INTS4: variants seen among roughly 807,000 people sequenced by gnomAD.
INTS4 encodes integrator complex subunit 4.
INTS4 carries 70 observed loss-of-function variants against 119.5 expected under a neutral mutation model. That is an observed-to-expected ratio of 0.59 (90% CI 0.48 to 0.71). INTS4 has a LOEUF of 0.71. Ranked by LOEUF, INTS4 falls within the 30% of genes least tolerant of loss-of-function variation. INTS4 has a pLI of 0.00. For missense variants in INTS4, 867 were observed against 1,173.2 expected (o/e 0.74, Z 3.81); for synonymous variants, 316 against 419.6 (o/e 0.75, Z 3.02).
intron 4 of INTS4, among the ~76,000 whole-genome samples, chr11:77,969,174 A>C (rs1855611977): frequency 1.3e-5 from 2 of 152,130 alleles, no homozygotes; most frequent in South Asian, 4.1e-4. Context: ...GCCTCAAGTG[A>C]TCTGCCTGCT....
At chr11:77,897,061 G>A (rs1181131652) in intron 18 of INTS4, among the ~76,000 whole-genome samples, 6 of 152,004 alleles carry the variant, frequency 3.9e-5, no homozygotes, top group Non-Finnish European at 7.3e-5. Flanking sequence ...ACCTATTCTG[G>A]TGTGGCGGGG....
intron 14 of INTS4, 107 bp from the exon 15 acceptor site, chr11:77,919,085 AG>A (rs1035621101): frequency 1.8e-6 from 2 of 1,107,494 alleles, no homozygotes; most frequent in Admixed American, 2.0e-5. Context: ...AACAAAACAA[AG>A]GGGAAAAAAG....
downstream of INTS4, among the ~76,000 whole-genome samples, chr11:77,878,420 C>T (rs1951667552): frequency 6.6e-6 from 1 of 152,010 alleles, no homozygotes; most frequent in African/African-American, 2.4e-5. Flanking sequence ...GCTATTCAGT[C>T]CTTGGCCCAG....
intron 2 of INTS4, chr11:77,987,750 T>C (rs1385885563): frequency 4.8e-6 from 2 of 413,342 alleles, no homozygotes; most frequent in Non-Finnish European, 4.9e-6. Context: ...GGCATGTGCC[T>C]GTGGTCCCAG....
chr11:77,937,637 G>A (rs1342241962), intron 10 of INTS4, among the ~76,000 whole-genome samples: 3 of 151,990 alleles, frequency 2.0e-5, no homozygotes, highest in Non-Finnish European at 4.4e-5. Context: ...CCAGCTACTC[G>A]AGAGGCTGAG....
At chr11:77,919,957 C>T (rs1018527675) in intron 14 of INTS4, among the ~76,000 whole-genome samples, 3 of 151,858 alleles carry the variant, frequency 2.0e-5, no homozygotes, top group Non-Finnish European at 4.4e-5. Flanking sequence ...TACAGGTGCC[C>T]ACCACCATGC....
intron 8 of INTS4, 32 bp downstream of exon 8, chr11:77,955,910 G>GCATA (rs1565270508): frequency 3.2e-6 from 5 of 1,557,748 alleles, no homozygotes; most frequent in Middle Eastern, 4.5e-4. Flanking sequence ...ATATATACAT[G>GCATA]CATACATACA....
At chr11:77,875,136 A>G (rs1357489489), downstream of INTS4, among the ~76,000 whole-genome samples, 3 of 152,172 alleles carry the variant, frequency 2.0e-5, no homozygotes, top group African/African-American at 4.8e-5. Flanking sequence ...CTCAAAGCAA[A>G]TATAAAGTCC....
At chr11:77,967,475 T>C (rs1209619513) in intron 4 of INTS4, among the ~76,000 whole-genome samples, 1 of 152,220 alleles carries the variant, frequency 6.6e-6, no homozygotes, top group Admixed American at 6.5e-5. Flanking sequence ...GCCTGTGGCA[T>C]TTTGTTATGG....
intron 15 of INTS4, among the ~76,000 whole-genome samples, chr11:77,915,497 C>T (rs1227065536): frequency 6.6e-6 from 1 of 152,162 alleles, no homozygotes; most frequent in Admixed American, 6.5e-5. Context: ...CAGCTGCACC[C>T]ACCTACCCAG....
At position 77,891,477 on chromosome 11, in the gene INTS4, A is replaced by T; in HGVS notation, c.2449-15T>A. 3 of 1,613,336 alleles carry T rather than the reference A, an allele frequency of 1.9e-6. No homozygotes were observed. Among genetic ancestry groups the T allele is most frequent in the Non-Finnish European group, 2.5e-6 (3 of 1,179,538 alleles). On this transcript the variant is annotated splice_polypyrimidine_tract_variant and intron_variant, in intron 20 of 22. Coordinates refer to ENST00000534064, the MANE Select transcript of INTS4 (RefSeq NM_033547.4). The stretch of plus-strand genomic sequence containing the variant: ...GCTTTGTGGATCTGTAAGCAAGAGG[A>T]AAATCCTATGATTTTAAAGCCAGGT...
rs1224387627 is a variant in INTS4, at chr11:77,983,670, A to G, written c.247-2094T>C. ...TCGTTAAGATGGCTACTATCAAAAA[A>G]CAGAAAACAAGTGTTGGCGAGGATG... On this transcript the variant is annotated intron_variant, in intron 2 of 22. Coordinates refer to ENST00000534064, the MANE Select transcript of INTS4 (RefSeq NM_033547.4). Among the ~76,000 whole-genome samples, 3 of 152,298 alleles carry G rather than the reference A, an allele frequency of 2.0e-5. No homozygotes were observed. The East Asian group carries it at 5.8e-4, about 29-fold the overall frequency.
intron 11 of INTS4, among the ~76,000 whole-genome samples, chr11:77,925,539 T>C (rs1255694754): frequency 1.3e-5 from 2 of 152,192 alleles, no homozygotes; most frequent in African/African-American, 2.4e-5. Flanking sequence ...ATGTGTTAAA[T>C]GGAGGAGTGA....
At chr11:77,961,362 T>C (rs536985827) in intron 4 of INTS4, among the ~76,000 whole-genome samples, 1 of 152,222 alleles carries the variant, frequency 6.6e-6, no homozygotes, top group East Asian at 1.9e-4. Context: ...TAGTTTTTCA[T>C]CTTTGTATTC....
intron 8 of INTS4, among the ~76,000 whole-genome samples, chr11:77,954,222 G>T (rs1189799409): frequency 6.6e-6 from 1 of 152,094 alleles, no homozygotes. Context: ...GTATAAGCTG[G>T]ATAACTTACT....
At chr11:77,899,089 T>G (rs1018808675) in intron 18 of INTS4, among the ~76,000 whole-genome samples, 1 of 152,042 alleles carries the variant, frequency 6.6e-6, no homozygotes, top group Non-Finnish European at 1.5e-5. Flanking sequence ...AATAACCCTG[T>G]GAGGAAGAGA....
At position 77,879,006 on chromosome 11, in the gene INTS4, G is replaced by A; in HGVS notation, c.2835C>T (p.Thr945=). ...CTTTTACAGGCTTGCTGAAGGGAATGGTGCCCTCGATGCTGGTTTCCACCT... is the reference window on the plus strand; with the variant it reads ...CTTTTACAGGCTTGCTGAAGGGAATAGTGCCCTCGATGCTGGTTTCCACCT... ...SPQVETSIEG[T]IPFSKPVKVY... is the part of the protein sequence containing the mutation. Residue 945 remains threonine (T), a synonymous_variant, in exon 23 of 23, where the codon ACC becomes ACT. Coordinates refer to ENST00000534064, the MANE Select transcript of INTS4 (RefSeq NM_033547.4). The A allele has an allele frequency of 6.2e-7, 1 of 1,614,110 alleles. No individual in the cohort carries two copies. The highest frequency in any genetic ancestry group is 8.5e-7 in the Non-Finnish European group (1 of 1,180,012).
chr11:77,908,836 C>T (rs1953024076), intron 15 of INTS4, among the ~76,000 whole-genome samples: 3 of 131,068 alleles, frequency 2.3e-5, no homozygotes, highest in African/African-American at 5.9e-5. Context: ...CAGAAAAAAA[C>T]ATTATTTTTT....
chr11:77,949,195 T>C lies in INTS4; in HGVS notation c.918+6747A>G, dbSNP rs1452204268. 6.6e-5 allele frequency among the ~76,000 whole-genome samples: 10 copies of C among 152,244 alleles called. No homozygotes were observed. In the South Asian group the frequency reaches 1.0e-3, roughly 16 times the overall value. ...CTGGAGGACATCATGTAAAGTGAAA[T>C]AAGCCAGACATGGAAAGGCAAATAT... On this transcript the variant is annotated intron_variant, in intron 8 of 22. Coordinates refer to ENST00000534064, the MANE Select transcript of INTS4 (RefSeq NM_033547.4).
Sources: allele counts gnomAD v4.1 joint callset (sites outside exome capture counted in the v4.1 genomes callset), GRCh38; gene constraint gnomAD v4.1.1; transcripts MANE v1.5; gene names NCBI Gene and HGNC (gene_info 2026-07-23, HGNC 2026-07-21).